MAN1A2: variants seen among roughly 807,000 people sequenced by gnomAD.
MAN1A2 encodes the protein mannosidase alpha class 1A member 2.
A neutral mutation model predicts 75.7 loss-of-function variants in MAN1A2; 26 were observed. The observed-to-expected ratio is 0.34, with a 90% CI of 0.25 to 0.48. The LOEUF (loss-of-function observed/expected upper bound fraction) is 0.48, where lower values mean the gene tolerates loss of function less well. Among genes scored for constraint, MAN1A2 ranks in the 20% least tolerant of loss-of-function variants. The probability of loss-of-function intolerance (pLI) is 0.99; values close to 1 mark genes in which losing one functional copy is unlikely to be tolerated. For missense variants in MAN1A2, 562 were observed against 775.5 expected, an observed-to-expected ratio of 0.72 and a Z score of 3.27; for synonymous variants, 247 against 264.6, an observed-to-expected ratio of 0.93 and a Z score of 0.65.
At chr1:117,472,262 A>G (rs952636598) in intron 8 of MAN1A2, among the ~76,000 whole-genome samples, 5 of 152,202 alleles carry the variant, frequency 3.3e-5, no homozygotes, top group African/African-American at 1.2e-4. Context: ...CCTAAGTTAA[A>G]TAAACTATTC....
intron 1 of MAN1A2, among the ~76,000 whole-genome samples, chr1:117,383,829 C>T (rs1653434326): frequency 6.6e-6 from 1 of 151,942 alleles, no homozygotes; most frequent in Non-Finnish European, 1.5e-5. Context: ...GATCATGGTG[C>T]ACTGCAACCT....
At chr1:117,369,118 AC>A (rs996794649) in intron 1 of MAN1A2, among the ~76,000 whole-genome samples, 16 of 152,138 alleles carry the variant, frequency 1.1e-4, no homozygotes, top group African/African-American at 3.9e-4. Context: ...AAGTTATTGC[AC>A]TTTGTGAGGC....
At chr1:117,454,403 GGAA>G (rs1162489851) in intron 6 of MAN1A2, among the ~76,000 whole-genome samples, 3 of 152,050 alleles carry the variant, frequency 2.0e-5, no homozygotes, top group Admixed American at 2.0e-4. Context: ...TTTACATTGG[GGAA>G]CCAAAATAGA....
At chr1:117,484,464 T>C (rs1322998327) in intron 8 of MAN1A2, among the ~76,000 whole-genome samples, 1 of 151,970 alleles carries the variant, frequency 6.6e-6, no homozygotes, top group African/African-American at 2.4e-5. Flanking sequence ...CATGGTGTTT[T>C]TGAAGGTTTA....
intron 4 of MAN1A2, among the ~76,000 whole-genome samples, chr1:117,416,210 A>T (rs1455877162): frequency 6.6e-6 from 1 of 152,128 alleles, no homozygotes; most frequent in Non-Finnish European, 1.5e-5. Context: ...CACATTAGTC[A>T]TATATTAGTC....
At chr1:117,466,303 T>C (rs1266878783) in intron 7 of MAN1A2, 31 bp from the exon 8 acceptor site, 2 of 1,402,968 alleles carry the variant, frequency 1.4e-6, no homozygotes, top group Admixed American at 1.8e-5. Context: ...CTTATTTTTA[T>C]TAATTGCATT....
intron 1 of MAN1A2, among the ~76,000 whole-genome samples, chr1:117,388,224 G>T (rs1045408352): frequency 6.6e-6 from 1 of 152,048 alleles, no homozygotes; most frequent in African/African-American, 2.4e-5. Context: ...AGAGAGGGAA[G>T]GTTCAAAGCC....
intron 5 of MAN1A2, among the ~76,000 whole-genome samples, chr1:117,429,477 G>A (rs1229721294): frequency 3.3e-5 from 3 of 89,982 alleles, no homozygotes; most frequent in African/African-American, 1.3e-4. Flanking sequence ...CTGGCCGGGC[G>A]GGGGGCCGAC....
chr1:117,441,492 C>T (rs1227720264), intron 5 of MAN1A2, among the ~76,000 whole-genome samples: 2 of 152,138 alleles, frequency 1.3e-5, no homozygotes, highest in East Asian at 3.8e-4. Flanking sequence ...CATTATGACC[C>T]AGTCACAGTT....
At chr1:117,469,940 A>G (rs911262564) in intron 8 of MAN1A2, among the ~76,000 whole-genome samples, 1 of 152,132 alleles carries the variant, frequency 6.6e-6, no homozygotes, top group Non-Finnish European at 1.5e-5. Flanking sequence ...TAGAATTACC[A>G]TATGACCCAG....
At chr1:117,478,580 C>T (rs983650796) in intron 8 of MAN1A2, among the ~76,000 whole-genome samples, 1 of 151,900 alleles carries the variant, frequency 6.6e-6, no homozygotes, top group African/African-American at 2.4e-5. Flanking sequence ...ATCTGTGAGA[C>T]ATTTTGAGTT....
intron 6 of MAN1A2, among the ~76,000 whole-genome samples, chr1:117,445,690 G>A (rs1649200858): frequency 6.6e-6 from 1 of 151,568 alleles, no homozygotes; most frequent in Non-Finnish European, 1.5e-5. Context: ...CCACACCTAG[G>A]TAATTTTGTT....
At chr1:117,507,740 A>G (rs2790033) in intron 12 of MAN1A2, among the ~76,000 whole-genome samples, 59,423 of 151,424 alleles carry the variant, frequency 0.39, 11,995 homozygotes, top group Admixed American at 0.52. Context: ...TAGTTAACAT[A>G]TGAACTTGTT....
chr1:117,439,414 G>T (rs1022081302), intron 5 of MAN1A2, among the ~76,000 whole-genome samples: 14 of 151,940 alleles, frequency 9.2e-5, no homozygotes, highest in Non-Finnish European at 7.4e-5. Context: ...GAGAAAACAG[G>T]CATAAGAAGC....
intron 1 of MAN1A2, among the ~76,000 whole-genome samples, chr1:117,399,730 G>C (rs967574361): frequency 5.3e-5 from 8 of 152,136 alleles, no homozygotes; most frequent in African/African-American, 1.9e-4. Context: ...CTTAGCTTTA[G>C]GCTTCACAAA....
chr1:117,379,641 C>A (rs1275006650), intron 1 of MAN1A2, among the ~76,000 whole-genome samples: 1 of 152,094 alleles, frequency 6.6e-6, no homozygotes, highest in Non-Finnish European at 1.5e-5. Context: ...TTCCCTCCTC[C>A]CTGCTTCCCC....
intron 5 of MAN1A2, among the ~76,000 whole-genome samples, chr1:117,441,112 T>C (rs1267701154): frequency 6.6e-6 from 1 of 152,182 alleles, no homozygotes; most frequent in African/African-American, 2.4e-5. Context: ...GCTTGTGCCT[T>C]GTTGAGGGAA....
At chr1:117,446,095 T>A (rs1231427131) in intron 6 of MAN1A2, among the ~76,000 whole-genome samples, 2 of 151,382 alleles carry the variant, frequency 1.3e-5, no homozygotes, top group African/African-American at 2.4e-5. Flanking sequence ...CTTGTGTTAC[T>A]TTGTTTTACC....
At chr1:117,493,484 A>G (rs1650949347) in intron 9 of MAN1A2, 2 of 363,506 alleles carry the variant, frequency 5.5e-6, no homozygotes, top group Non-Finnish European at 1.0e-5. Context: ...ATTTTTGAAG[A>G]AAGAATTTAT....
Sources: gnomAD v4.1 joint callset for allele counts (sites outside exome capture counted in the v4.1 genomes callset) on GRCh38, gnomAD v4.1.1 for gene constraint, MANE v1.5 for transcripts, NCBI Gene and HGNC (gene_info 2026-07-23, HGNC 2026-07-21) for gene names.